The following TTC17 variants were observed in gnomAD, a reference collection of about 807,000 sequenced individuals.
TTC17 encodes the protein tetratricopeptide repeat protein 17.
In TTC17, 58 loss-of-function variants were observed where a neutral mutation model predicts 143.8. That is an observed-to-expected ratio of 0.40 (90% CI 0.33 to 0.50). The LOEUF (loss-of-function observed/expected upper bound fraction) is 0.50, where lower values mean the gene tolerates loss of function less well. Ranked by LOEUF, TTC17 falls within the 20% of genes least tolerant of loss-of-function variation. The pLI is 0.49. For missense variants in TTC17, 1,273 were observed against 1,392.5 expected, an observed-to-expected ratio of 0.91 and a Z score of 1.37; for synonymous variants, 501 against 497.8, an observed-to-expected ratio of 1.01 and a Z score of -0.09.
chr11:43,421,245 A>G (rs1946896651), intron 16 of TTC17, among the ~76,000 whole-genome samples: 1 of 152,212 alleles, frequency 6.6e-6, no homozygotes, highest in African/African-American at 2.4e-5. Context: ...ATGCAGATAT[A>G]CAGCATAAAA....
chr11:43,424,101 T>C (rs534382001), intron 16 of TTC17, among the ~76,000 whole-genome samples: 52 of 151,800 alleles, frequency 3.4e-4, no homozygotes, highest in Non-Finnish European at 6.3e-4. Context: ...TTTTTTTTTT[T>C]TCCTGAGGCG....
intron 21 of TTC17, among the ~76,000 whole-genome samples, chr11:43,468,986 G>C (rs892470071): frequency 6.6e-6 from 1 of 152,074 alleles, no homozygotes; most frequent in African/African-American, 2.4e-5. Flanking sequence ...ATATATGATG[G>C]ACTTGAGTTC....
At position 43,417,178 on chromosome 11, in the gene TTC17, T is replaced by C. The variant is rs191749530; in HGVS notation, c.2251+2402T>C. ...TTGCTGACTTGTAGCTTTGAAAAGC[T>C]AAAACTTGAAAGAAGCCAAACACCT... On this transcript the variant is annotated intron_variant, in intron 16 of 23. Coordinates refer to ENST00000039989, the MANE Select transcript of TTC17 (RefSeq NM_018259.6). Among the ~76,000 whole-genome samples, 7 of 152,308 alleles carry C rather than the reference T, an allele frequency of 4.6e-5. 1 individual carries two copies. In the East Asian group the frequency reaches 1.2e-3, roughly 25 times the overall value.
intron 21 of TTC17, among the ~76,000 whole-genome samples, chr11:43,472,535 G>C (rs569104243): frequency 6.6e-6 from 1 of 152,188 alleles, no homozygotes; most frequent in African/African-American, 2.4e-5. Context: ...ATAGTTTTAA[G>C]TTCTATAACA....
rs535401059 is a variant in TTC17 at position 43,391,393 on chromosome 11, T to A, written c.420-72T>A. ...CAGCCTGGGCAACAGAATGAGACCC[T>A]TTCTCTAAATAAATAAATAAAATAT... On this transcript the variant is annotated intron_variant, in intron 3 of 23. Coordinates refer to ENST00000039989, the MANE Select transcript of TTC17 (RefSeq NM_018259.6). The A allele has an allele frequency of 1.7e-5, 18 of 1,052,578 alleles. No individual in the cohort carries two copies. The South Asian group carries it at 2.2e-4, about 13-fold the overall frequency. 65.2% of individuals were successfully genotyped at this position (1,052,578 alleles called of 1,614,324 possible). A position where few individuals can be genotyped will look rare whatever the true frequency, so the allele number is the denominator to read the frequency against.
At chr11:43,435,031 CAT>C (rs147489465) in intron 16 of TTC17, 8,881 of 151,924 alleles carry the variant, frequency 0.058, 280 homozygotes, top group African/African-American at 0.093. Context: ...TGTTTCCACT[CAT>C]GTGGAGAGAG....
chr11:43,375,798 A>T (rs1856744430), intron 1 of TTC17, among the ~76,000 whole-genome samples: 1 of 152,220 alleles, frequency 6.6e-6, no homozygotes, highest in African/African-American at 2.4e-5. Context: ...GACATCAAAA[A>T]TGTTTATACT....
intron 21 of TTC17, among the ~76,000 whole-genome samples, chr11:43,469,444 G>A (rs1399118484): frequency 6.6e-6 from 1 of 152,120 alleles, no homozygotes; most frequent in African/African-American, 2.4e-5. Context: ...ATTCATAATA[G>A]CCAATAAAAC....
chr11:43,470,424 C>T (rs1218628096), intron 21 of TTC17, among the ~76,000 whole-genome samples: 1 of 152,156 alleles, frequency 6.6e-6, no homozygotes, highest in African/African-American at 2.4e-5. Flanking sequence ...GTAATAGCCT[C>T]ATGAGCATAG....
At chr11:43,404,801 A>G (rs1858035576) in intron 11 of TTC17, among the ~76,000 whole-genome samples, 1 of 152,200 alleles carries the variant, frequency 6.6e-6, no homozygotes, top group Non-Finnish European at 1.5e-5. Flanking sequence ...AAGTTTAGTA[A>G]GCCTCTGGTA....
intron 5 of TTC17, among the ~76,000 whole-genome samples, chr11:43,394,948 T>G (rs1210887615): frequency 1.3e-5 from 2 of 152,010 alleles, no homozygotes; most frequent in Admixed American, 6.6e-5. Context: ...GAGGGAGTAG[T>G]TCACAGTAAC....
At chr11:43,417,814 G>A (rs192488335) in intron 16 of TTC17, among the ~76,000 whole-genome samples, 21 of 152,342 alleles carry the variant, frequency 1.4e-4, no homozygotes, top group African/African-American at 5.0e-4. Context: ...TTGTGCCACC[G>A]CACGATCCAG....
At chr11:43,448,240 T>G (rs896017420) in intron 19 of TTC17, 118 bp downstream of exon 19, 19 of 1,424,364 alleles carry the variant, frequency 1.3e-5, no homozygotes, top group Admixed American at 7.0e-5. Flanking sequence ...AGCTGAATTT[T>G]CAAAGGATGA....
At chr11:43,451,624 A>T (rs1947659060) in intron 21 of TTC17, among the ~76,000 whole-genome samples, 1 of 152,188 alleles carries the variant, frequency 6.6e-6, no homozygotes, top group Non-Finnish European at 1.5e-5. Flanking sequence ...TGGATGATGG[A>T]TGGGAAACAC....
intron 2 of TTC17, among the ~76,000 whole-genome samples, chr11:43,386,671 C>T (rs1857181298): frequency 6.6e-6 from 1 of 152,090 alleles, no homozygotes; most frequent in South Asian, 2.1e-4. Flanking sequence ...AAAAGATAAG[C>T]TACAAACTAA....
intron 5 of TTC17, 53 bp downstream of exon 5, chr11:43,392,005 TA>T: frequency 6.5e-7 from 1 of 1,534,152 alleles, no homozygotes; most frequent in South Asian, 1.3e-5. Flanking sequence ...GGGCTCTGTG[TA>T]AACAGAAGAT....
At chr11:43,382,499 CTG>C (rs1440797739) in intron 2 of TTC17, among the ~76,000 whole-genome samples, 3 of 152,044 alleles carry the variant, frequency 2.0e-5, no homozygotes, top group Non-Finnish European at 4.4e-5. Context: ...ATAAAAATAA[CTG>C]AATAAATTAA....
In TTC17 at chr11:43,435,911, G is replaced by A. The variant is rs577136105; in HGVS notation, c.2252-7414G>A. Among the ~76,000 whole-genome samples the A allele has an allele frequency of 4.6e-5, 7 of 152,254 alleles. No individual in the cohort carries two copies. The South Asian group carries it at 1.4e-3, about 32-fold the overall frequency. On this transcript the variant is annotated intron_variant, in intron 16 of 23. Transcript: ENST00000039989. ...AACAAGGTCTTGGGGCTTGATCTTTGTTGTTACAGTTGTTTTTCTCCTCCT... is the reference window on the plus strand; with the variant it reads ...AACAAGGTCTTGGGGCTTGATCTTTATTGTTACAGTTGTTTTTCTCCTCCT...
intron 21 of TTC17, among the ~76,000 whole-genome samples, chr11:43,452,115 A>G (rs915651539): frequency 6.6e-6 from 1 of 152,224 alleles, no homozygotes; most frequent in East Asian, 1.9e-4. Context: ...CGTCAGCAAA[A>G]TTCTACTACC....
Sources: gnomAD v4.1 joint callset for allele counts (sites outside exome capture counted in the v4.1 genomes callset) on GRCh38, gnomAD v4.1.1 for gene constraint, MANE v1.5 for transcripts, NCBI Gene and HGNC (gene_info 2026-07-23, HGNC 2026-07-21) for gene names.